PCNX2: variants seen among roughly 807,000 people sequenced by gnomAD.
The protein encoded by PCNX2 is pecanex-like protein 2.
In PCNX2, 168 loss-of-function variants were observed where a neutral mutation model predicts 223.8. The observed-to-expected ratio is 0.75, with a 90% CI of 0.66 to 0.85. PCNX2 has a LOEUF of 0.85. PCNX2 is among the 40% of genes least tolerant of loss of function. PCNX2 has a pLI of 0.00. For synonymous variants in PCNX2, 1,006 were observed against 1,052.6 expected (o/e 0.96, Z 0.86); for missense variants, 2,507 against 2,675.5 (o/e 0.94, Z 1.39).
chr1:233,035,953 C>G (rs1350639480), intron 25 of PCNX2, among the ~76,000 whole-genome samples: 1 of 152,192 alleles, frequency 6.6e-6, no homozygotes, highest in Admixed American at 6.5e-5. Context: ...GCCCCCATAA[C>G]ATTTTTCTTA....
rs1220362624 is a variant in PCNX2 at position 233,168,804 on chromosome 1, T to A, written c.3274-7441A>T. Among the ~76,000 whole-genome samples, 11 of 152,228 alleles carry A rather than the reference T, an allele frequency of 7.2e-5. No homozygotes were observed. In the East Asian group the frequency reaches 2.1e-3, roughly 29 times the overall value. On this transcript the variant is annotated intron_variant, in intron 17 of 33. Coordinates refer to ENST00000258229, the MANE Select transcript of PCNX2 (RefSeq NM_014801.4). ...ATGCTTTTCCAGATGATTATAATAA[T>A]TTACATAAACACAAATGATGTCTAA...
At chr1:233,189,911 A>C (rs1680321062) in intron 15 of PCNX2, among the ~76,000 whole-genome samples, 1 of 152,208 alleles carries the variant, frequency 6.6e-6, no homozygotes, top group Non-Finnish European at 1.5e-5. Context: ...ATCACTGTCA[A>C]ATACTATTTA....
At chr1:233,159,501 G>A (rs192684636) in intron 19 of PCNX2, among the ~76,000 whole-genome samples, 30 of 152,170 alleles carry the variant, frequency 2.0e-4, no homozygotes, top group African/African-American at 6.7e-4. Context: ...GTTACAATAG[G>A]CTAAACAGCT....
At chr1:233,131,536 ACACT>A (rs2102759381) in intron 21 of PCNX2, among the ~76,000 whole-genome samples, 1 of 152,258 alleles carries the variant, frequency 6.6e-6, no homozygotes, top group East Asian at 1.9e-4. Context: ...AAAATCACAA[ACACT>A]CTCTTTCTTT....
At chr1:233,204,989 C>T (rs1278232939) in intron 13 of PCNX2, among the ~76,000 whole-genome samples, 1 of 152,066 alleles carries the variant, frequency 6.6e-6, no homozygotes, top group Non-Finnish European at 1.5e-5. Context: ...TATTCTAGAA[C>T]AAGGGTTACT....
Position 233,218,111 on chromosome 1 carries a change from A to G in PCNX2, c.2578T>C (p.Leu860=), listed in dbSNP as rs749868118. ...ATATCTTTGCAAAAGCCTTGGCTCA[A>G]GGTCAGAAATCCAAGGAGGGAAACC... The part of the protein sequence containing the change: ...VLVSLLGFLT[L]SQGFCKDMWV... Residue 860 remains leucine, a synonymous_variant, in exon 11 of 34, where the codon TTG becomes CTG. Coordinates refer to ENST00000258229, the MANE Select transcript of PCNX2 (RefSeq NM_014801.4). The G allele has an allele frequency of 4.5e-6, 7 of 1,558,254 alleles. No individual in the cohort carries two copies. In the South Asian group the frequency reaches 5.9e-5, roughly 13 times the overall value.
chr1:233,170,975 G>A (rs147396897), intron 17 of PCNX2, among the ~76,000 whole-genome samples: 23 of 152,250 alleles, frequency 1.5e-4, no homozygotes, highest in African/African-American at 5.3e-4. Flanking sequence ...TCCTTTGTGC[G>A]TCACGTTGGT....
chr1:233,091,825 A>C (rs760802474), intron 22 of PCNX2, among the ~76,000 whole-genome samples: 2 of 151,688 alleles, frequency 1.3e-5, no homozygotes, highest in Non-Finnish European at 2.9e-5. Flanking sequence ...TTCAAGAGTA[A>C]AATGTCACAT....
intron 8 of PCNX2, among the ~76,000 whole-genome samples, chr1:233,244,729 A>T (rs954058362): frequency 1.3e-5 from 2 of 152,144 alleles, no homozygotes; most frequent in Admixed American, 6.5e-5. Flanking sequence ...TAAAAATAAA[A>T]ATAATAAAAA....
At chr1:233,226,931 TACAA>T (rs1038997414) in intron 10 of PCNX2, among the ~76,000 whole-genome samples, 4 of 152,158 alleles carry the variant, frequency 2.6e-5, no homozygotes, top group African/African-American at 9.7e-5. Context: ...AAACCTTAAA[TACAA>T]ACCATTTCTT....
chr1:233,312,871 A>T, the PCNX2 span, among the ~76,000 whole-genome samples: 1 of 152,120 alleles, frequency 6.6e-6, no homozygotes, highest in Non-Finnish European at 1.5e-5. Context: ...CAGTCAATGG[A>T]TTAGAAAAAA....
intron 15 of PCNX2, among the ~76,000 whole-genome samples, chr1:233,186,528 G>A (rs1449608304): frequency 6.6e-6 from 1 of 152,144 alleles, no homozygotes; most frequent in Non-Finnish European, 1.5e-5. Flanking sequence ...AACCCCTAGA[G>A]TGCACCCCTG....
At chr1:233,129,326 C>A (rs1033106502) in intron 21 of PCNX2, among the ~76,000 whole-genome samples, 6 of 152,196 alleles carry the variant, frequency 3.9e-5, no homozygotes, top group Non-Finnish European at 7.4e-5. Flanking sequence ...TCTCGCCGGG[C>A]CTTAGCTGCC....
At chr1:233,175,698 T>C (rs913603483) in intron 17 of PCNX2, among the ~76,000 whole-genome samples, 2 of 116,746 alleles carry the variant, frequency 1.7e-5, no homozygotes, top group Non-Finnish European at 3.1e-5. Context: ...GTCAAATATT[T>C]CTCTTTTTTT....
At chr1:233,274,585 G>A (rs566197968) in intron 1 of PCNX2, among the ~76,000 whole-genome samples, 31 of 152,326 alleles carry the variant, frequency 2.0e-4, no homozygotes, top group Middle Eastern at 3.4e-3. Flanking sequence ...AGTAGCAAGT[G>A]CTGTCATTCA....
At position 233,207,000 on chromosome 1, in the gene PCNX2, G is replaced by C. The variant is rs573586319; in HGVS notation, c.2863+1518C>G. Among the ~76,000 whole-genome samples the C allele has an allele frequency of 3.4e-5, 5 of 148,958 alleles. No individual in the cohort carries two copies. The East Asian group carries it at 8.0e-4, about 24-fold the overall frequency. On this transcript the variant is annotated intron_variant, in intron 13 of 33. Transcript: ENST00000258229. ...TACTCCAGCTTGGGAGACAGAGCGA[G>C]ACTCCAACAAAAAAAAAAAAGAAGA...
At chr1:233,301,795 C>CTTTTTTT in the PCNX2 span, among the ~76,000 whole-genome samples, 1 of 132,464 alleles carries the variant, frequency 7.5e-6, no homozygotes, top group African/African-American at 2.8e-5. Context: ...AGGGAACAAG[C>CTTTTTTT]TTTTTTTTTT....
intron 32 of PCNX2, among the ~76,000 whole-genome samples, chr1:232,997,121 C>T (rs1669904306): frequency 2.0e-5 from 3 of 152,174 alleles, no homozygotes; most frequent in South Asian, 2.1e-4. Flanking sequence ...CCCTATTGCC[C>T]ATTCTTTCCC....
At chr1:233,283,041 AT>A (rs1661269296) in intron 1 of PCNX2, among the ~76,000 whole-genome samples, 1 of 152,138 alleles carries the variant, frequency 6.6e-6, no homozygotes, top group African/African-American at 2.4e-5. Flanking sequence ...AATAATAATA[AT>A]AACTTCTAAA....
Sources: gnomAD v4.1 joint callset for allele counts (sites outside exome capture counted in the v4.1 genomes callset) on GRCh38, gnomAD v4.1.1 for gene constraint, MANE v1.5 for transcripts, NCBI Gene and HGNC (gene_info 2026-07-23, HGNC 2026-07-21) for gene names.